Variants in SAG observed in about 807,000 individuals in gnomAD.
The protein encoded by SAG is S-arrestin.
In SAG, 45 loss-of-function variants were observed where a neutral mutation model predicts 55.0. The observed-to-expected ratio is 0.82, with a 90% confidence interval of 0.64 to 1.05. The LOEUF (loss-of-function observed/expected upper bound fraction) is 1.05, where lower values mean the gene tolerates loss of function less well. Ranked by LOEUF, SAG falls within the 50% of genes least tolerant of loss-of-function variation. The probability of loss-of-function intolerance (pLI) is 0.00; values close to 1 mark genes in which losing one functional copy is unlikely to be tolerated. For synonymous variants in SAG, 189 were observed against 197.4 expected, an observed-to-expected ratio of 0.96 and a Z score of 0.36; for missense variants, 455 against 512.1, an observed-to-expected ratio of 0.89 and a Z score of 1.08.
chr2:233,308,406 G>A (rs138981595), intron 1 of SAG, among the ~76,000 whole-genome samples: 1,956 of 152,106 alleles, frequency 0.013, 22 homozygotes, highest in East Asian at 0.028. Flanking sequence ...GTTCGAGGCT[G>A]CGGTGAGCTA....
chr2:233,318,466 C>T (rs943362344), intron 3 of SAG, among the ~76,000 whole-genome samples: 1 of 152,104 alleles, frequency 6.6e-6, no homozygotes, highest in South Asian at 2.1e-4. Flanking sequence ...CTCCTAGGCT[C>T]GAGCAGTCCT....
At chr2:233,342,475 G>C (rs549617078) in intron 14 of SAG, 149 bp downstream of exon 14, 148 of 697,116 alleles carry the variant, frequency 2.1e-4, no homozygotes, top group Middle Eastern at 1.4e-3. Context: ...TGAATAGTCT[G>C]GGGGGAAGGG....
Position 233,346,405 on chromosome 2 carries a change from A to C in SAG, c.1105A>C (p.Lys369Gln), listed in dbSNP as rs201174696. The C allele has an allele frequency of 5.0e-6, 8 of 1,613,796 alleles. No homozygotes were observed. In the Admixed American group the frequency reaches 1.0e-4, roughly 20 times the overall value. ...TCCCTTTTATTCCATGCTTACAGCT[A>C]AGGAAAGGTGAGTGAGCCTCTTGAA... Reference protein sequence around the residue: ...LMHPQPEDPAKESYQDANLVF... With the variant: ...LMHPQPEDPAQESYQDANLVF... The change falls in exon 15 of 16, where the codon AAG becomes CAG. Residue 369 changes from lysine (K) to glutamine (Q), a missense_variant and splice_region_variant. Transcript: ENST00000409110.
At chr2:233,346,150 CAAATA>C (rs1413525956) in intron 14 of SAG, 1 of 139,602 alleles carries the variant, frequency 7.2e-6, no homozygotes, top group African/African-American at 2.6e-5. Flanking sequence ...GAGACAGTCT[CAAATA>C]AAATAAAATA....
intron 4 of SAG, 171 bp downstream of exon 4, chr2:233,318,966 C>T (rs752294787): frequency 2.9e-5 from 21 of 732,870 alleles, no homozygotes; most frequent in Non-Finnish European, 3.6e-5. Context: ...ACCTAATTCA[C>T]GTGACATAGG....
Position 233,335,116 on chromosome 2 carries a change from C to T in SAG, c.944+17C>T. 3 of 1,605,108 alleles carry T rather than the reference C, an allele frequency of 1.9e-6. No individual in the cohort carries two copies. Among genetic ancestry groups the T allele is most frequent in the Non-Finnish European group, 2.6e-6 (3 of 1,173,082 alleles). On this transcript the variant is annotated intron_variant, in intron 11 of 15. Transcript: ENST00000409110. ...CAGCACCATGTGAGTCCTCGAGGCTCAGGGAATAAGCCCTGGCAGGGCGGG... is the reference window on the plus strand; with the variant it reads ...CAGCACCATGTGAGTCCTCGAGGCTTAGGGAATAAGCCCTGGCAGGGCGGG...
rs543047953 is a variant in SAG at position 233,337,476 on chromosome 2, C to T, written c.945-1200C>T. 2.2e-4 allele frequency among the ~76,000 whole-genome samples: 34 copies of T among 152,216 alleles called. 1 individual carries two copies. The East Asian group carries it at 4.6e-3, about 21-fold the overall frequency. On this transcript the variant is annotated intron_variant, in intron 11 of 15. Transcript: ENST00000409110. ...TGGTCTTGAATTTCCTGAACTCAAG[C>T]GATCTGCCCGCCTCCGTCTCCCAAA...
chr2:233,319,506 G>A lies in SAG; in HGVS notation c.181+711G>A. Reference sequence around the variant, plus strand: ...TTCCATTCTAAATATGCCTTTTTGAGTGTTGCTACTGGCAACATCAAGGAA... The same window carrying A: ...TTCCATTCTAAATATGCCTTTTTGAATGTTGCTACTGGCAACATCAAGGAA... On this transcript the variant is annotated intron_variant, in intron 4 of 15. Transcript: ENST00000409110. The surrounding 1 kb of genome is among the most constrained non-coding windows in gnomAD (Gnocchi z 4.4). 3 of 776,212 alleles carry A rather than the reference G, an allele frequency of 3.9e-6. No homozygotes were observed. Among genetic ancestry groups the A allele is most frequent in the Non-Finnish European group, 4.7e-6 (3 of 636,684 alleles). The allele number at this position is 776,212 out of a possible 1,614,324, so 48.1% of individuals were successfully genotyped here.
At chr2:233,335,319 G>A (rs909094293) in intron 11 of SAG, among the ~76,000 whole-genome samples, 2 of 152,242 alleles carry the variant, frequency 1.3e-5, no homozygotes, top group Non-Finnish European at 2.9e-5. Context: ...ACAGCTGTGC[G>A]CTAACCCCAG....
At chr2:233,318,816 T>G (rs1320344821) in intron 4 of SAG, 21 bp downstream of exon 4, 2 of 1,611,432 alleles carry the variant, frequency 1.2e-6, no homozygotes, top group Admixed American at 1.7e-5. Flanking sequence ...GCCCCTTGTC[T>G]CAGGCTGGTT....
At position 233,319,808 on chromosome 2, in the gene SAG, A is replaced by T. The variant is rs1448484968; in HGVS notation, c.182-822A>T. On this transcript the variant is annotated intron_variant, in intron 4 of 15. Transcript: ENST00000409110. This position sits in a 1 kb window ranked among gnomAD's most constrained non-coding sequence, Gnocchi z 4.4. ...GGCACCTTCTTAGTCCTGAGCTTGA[A>T]TGAGGGGCGAGTGAGTGGCCACTGT... 9.1e-6 allele frequency: 9 copies of T among 985,608 alleles called. No individual in the cohort carries two copies. The highest frequency in any genetic ancestry group is 1.1e-5 in the Non-Finnish European group (9 of 829,956). The allele number at this position is 985,608 out of a possible 1,614,324, so 61.1% of individuals were successfully genotyped here. A position where few individuals can be genotyped will look rare whatever the true frequency, so the allele number is the denominator to read the frequency against.
intron 12 of SAG, among the ~76,000 whole-genome samples, chr2:233,339,599 T>C (rs1020687898): frequency 1.3e-5 from 2 of 149,688 alleles, no homozygotes; most frequent in Non-Finnish European, 3.0e-5. Flanking sequence ...CAGGGTGGAG[T>C]TTCTTTTAGC....
At chr2:233,334,684 T>G (rs915231209) in intron 10 of SAG, 9 of 332,378 alleles carry the variant, frequency 2.7e-5, no homozygotes, top group Admixed American at 4.3e-5. Flanking sequence ...CTTGAGCCAG[T>G]TTGTCTCATT....
chr2:233,340,533 A>G lies in SAG; in HGVS notation c.1046+55A>G. ...GTTTCTCAAGATATCAAAGGCAGCA[A>G]ACTTGGGGCTCCAAAACGGTTTCTG... On this transcript the variant is annotated intron_variant, in intron 13 of 15. Coordinates refer to ENST00000409110, the MANE Select transcript of SAG (RefSeq NM_000541.5). This position sits in a 1 kb window ranked among gnomAD's most constrained non-coding sequence, Gnocchi z 4.2. 1 of 1,452,508 alleles carries G rather than the reference A, an allele frequency of 6.9e-7. No individual in the cohort carries two copies. Among genetic ancestry groups the G allele is most frequent in the Non-Finnish European group, 9.6e-7 (1 of 1,043,294 alleles). 90.0% of individuals were successfully genotyped at this position (1,452,508 alleles called of 1,614,324 possible). A position where few individuals can be genotyped will look rare whatever the true frequency, so the allele number is the denominator to read the frequency against.
At position 233,346,854 on chromosome 2, in the gene SAG, T is replaced by A; in HGVS notation, c.1160T>A (p.Leu387Gln). The A allele has an allele frequency of 6.2e-7, 1 of 1,613,018 alleles. No homozygotes were observed. Reference sequence around the variant, plus strand: ...TTTGAGGAGTTTGCTCGCCATAATCTGAAAGATGCAGGAGAAGCTGAGGAG... The same window carrying A: ...TTTGAGGAGTTTGCTCGCCATAATCAGAAAGATGCAGGAGAAGCTGAGGAG... The part of the protein sequence containing the change: ...LVFEEFARHN[L>Q]KDAGEAEEGK... The change falls in exon 16 of 16, where the codon CTG (leucine) becomes CAG (glutamine). Residue 387 changes from leucine (L) to glutamine (Q), a missense_variant. Coordinates refer to ENST00000409110, the MANE Select transcript of SAG (RefSeq NM_000541.5).
At chr2:233,342,704 G>A in intron 14 of SAG, 1 of 197,808 alleles carries the variant, frequency 5.1e-6, no homozygotes, top group Non-Finnish European at 1.0e-5. Context: ...CATTTCATTT[G>A]GAAACAAAAG....
chr2:233,327,606 G>GGC (rs1700607357), intron 7 of SAG: 1 of 157,422 alleles, frequency 6.4e-6, no homozygotes, highest in African/African-American at 2.4e-5. Flanking sequence ...AGTGCAATGT[G>GGC]ACCTCGGCTC....
At chr2:233,325,084 G>A (rs1700506888) in intron 6 of SAG, among the ~76,000 whole-genome samples, 1 of 152,044 alleles carries the variant, frequency 6.6e-6, no homozygotes, top group African/African-American at 2.4e-5. Context: ...AAATTAGCCA[G>A]GCATGGTGGC....
intron 4 of SAG, 178 bp downstream of exon 4, chr2:233,318,973 T>C: frequency 1.4e-6 from 1 of 725,514 alleles, no homozygotes; most frequent in South Asian, 1.5e-5. Flanking sequence ...TCACGTGACA[T>C]AGGTCCTGTT....
Sources: allele counts gnomAD v4.1 joint callset (sites outside exome capture counted in the v4.1 genomes callset), GRCh38; gene constraint gnomAD v4.1.1; non-coding constraint Gnocchi (gnomAD v3.1); transcripts MANE v1.5; gene names NCBI Gene and HGNC (gene_info 2026-07-23, HGNC 2026-07-21).